The following ADAMTSL1 variants were observed in gnomAD, a reference collection of about 807,000 sequenced individuals.
ADAMTSL1 encodes ADAMTS like 1.
A neutral mutation model predicts 201.8 loss-of-function variants in ADAMTSL1; 126 were observed. The ratio of observed to expected loss-of-function variants is 0.62; its 90% CI spans 0.54 to 0.72. ADAMTSL1 has a LOEUF of 0.72. ADAMTSL1 is among the 30% of genes least tolerant of loss of function. The probability of loss-of-function intolerance (pLI) is 0.00; values close to 1 mark genes in which losing one functional copy is unlikely to be tolerated. For missense variants in ADAMTSL1, 2,679 were observed against 2,277.8 expected, an observed-to-expected ratio of 1.18 and a Z score of -3.59; for synonymous variants, 1,121 against 903.4, an observed-to-expected ratio of 1.24 and a Z score of -4.32.
chr9:18,576,698 G>A (rs1475203627), intron 4 of ADAMTSL1, among the ~76,000 whole-genome samples: 1 of 152,148 alleles, frequency 6.6e-6, no homozygotes, highest in Non-Finnish European at 1.5e-5. Context: ...CTTCAGGAAA[G>A]TTCTAGAATC....
intron 28 of ADAMTSL1, 48 bp downstream of exon 28, chr9:18,906,960 C>T (rs750999709): frequency 1.6e-5 from 26 of 1,603,472 alleles, no homozygotes; most frequent in South Asian, 3.4e-5. Flanking sequence ...CATAGAGCAT[C>T]GAGTGCAGAG....
intron 3 of ADAMTSL1, among the ~76,000 whole-genome samples, chr9:18,541,958 C>T (rs927405516): frequency 1.3e-5 from 2 of 152,122 alleles, no homozygotes; most frequent in African/African-American, 2.4e-5. Context: ...GGAGTAATAA[C>T]CTATAGTATG....
intron 1 of ADAMTSL1, among the ~76,000 whole-genome samples, chr9:18,111,461 A>G (rs2131882475): frequency 6.6e-6 from 1 of 152,262 alleles, no homozygotes; most frequent in Non-Finnish European, 1.5e-5. Context: ...TTGATGTCCA[A>G]GAAGCCCTTT....
At chr9:18,507,285 C>T (rs552476800) in intron 2 of ADAMTSL1, among the ~76,000 whole-genome samples, 2 of 152,256 alleles carry the variant, frequency 1.3e-5, no homozygotes, top group South Asian at 2.1e-4. Flanking sequence ...ATTACCTCTG[C>T]GCCCTAATGA....
At chr9:18,527,508 G>A (rs1466336164) in intron 2 of ADAMTSL1, among the ~76,000 whole-genome samples, 4 of 152,144 alleles carry the variant, frequency 2.6e-5, no homozygotes, top group African/African-American at 7.2e-5. Context: ...TATATGAGAA[G>A]GGGGATGGGG....
At chr9:18,828,697 A>ATATATATATTGTG (rs1824776656) in intron 22 of ADAMTSL1, among the ~76,000 whole-genome samples, 1 of 42,510 alleles carries the variant, frequency 2.4e-5, no homozygotes, top group African/African-American at 7.5e-5. Flanking sequence ...TATATATAAA[A>ATATATATATTGTG]TGTGTGTGTG....
chr9:17,958,865 G>T (rs112179533), intron 1 of ADAMTSL1, among the ~76,000 whole-genome samples: 1 of 151,936 alleles, frequency 6.6e-6, no homozygotes, highest in Non-Finnish European at 1.5e-5. Flanking sequence ...TATAATTCCC[G>T]GCAATAGTTG....
At chr9:17,925,801 C>A (rs896491908) in intron 1 of ADAMTSL1, among the ~76,000 whole-genome samples, 21 of 149,138 alleles carry the variant, frequency 1.4e-4, no homozygotes, top group African/African-American at 4.7e-4. Context: ...CGCATGTATA[C>A]GTATGTAACT....
rs35159482 is a variant in ADAMTSL1, at chr9:18,812,967, C to CT, written c.3806-4123dup. ...GTGGTGTGATGCTTCCAGCTATGTA[C>CT]TTTTTTTTTTTTTTTTTTTGAGATG... On this transcript the variant is annotated intron_variant, in intron 20 of 28. Coordinates refer to ENST00000380548, the MANE Select transcript of ADAMTSL1 (RefSeq NM_001040272.6). 8.6e-3 allele frequency among the ~76,000 whole-genome samples: 1,023 copies of CT among 118,604 alleles called. 12 individuals carry two copies. The highest frequency in any genetic ancestry group is 0.021 in the African/African-American group (630 of 29,630). The allele number at this position is 118,604 out of a possible 152,430, so 77.8% of individuals were successfully genotyped here.
chr9:18,724,108 T>G (rs988140459), intron 15 of ADAMTSL1, among the ~76,000 whole-genome samples: 2 of 152,184 alleles, frequency 1.3e-5, no homozygotes, highest in Non-Finnish European at 2.9e-5. Flanking sequence ...ATGCATGTGT[T>G]TAAAAAAATA....
chr9:18,672,915 G>A (rs1160547694), intron 9 of ADAMTSL1, among the ~76,000 whole-genome samples: 1 of 152,154 alleles, frequency 6.6e-6, no homozygotes, highest in African/African-American at 2.4e-5. Context: ...AACCCCTGAT[G>A]ATGGGGATAT....
intron 2 of ADAMTSL1, among the ~76,000 whole-genome samples, chr9:18,351,304 A>T (rs147977228): frequency 2.6e-4 from 39 of 152,154 alleles, no homozygotes; most frequent in African/African-American, 9.4e-4. Flanking sequence ...TGTGGTCCAA[A>T]CTTCTTTTTT....
At chr9:18,309,228 T>C (rs1834024677) in intron 2 of ADAMTSL1, among the ~76,000 whole-genome samples, 1 of 152,114 alleles carries the variant, frequency 6.6e-6, no homozygotes, top group African/African-American at 2.4e-5. Flanking sequence ...ACAGCCAATA[T>C]CTTACTGAAC....
intron 2 of ADAMTSL1, among the ~76,000 whole-genome samples, chr9:18,523,126 C>T (rs946114870): frequency 9.2e-5 from 14 of 152,178 alleles, no homozygotes; most frequent in Admixed American, 7.9e-4. Context: ...TTTTAATGAT[C>T]CCCATTCTAA....
chr9:18,688,427 C>T (rs955336250), intron 13 of ADAMTSL1, among the ~76,000 whole-genome samples: 1 of 150,708 alleles, frequency 6.6e-6, no homozygotes, highest in Non-Finnish European at 1.5e-5. Context: ...CACACCCAGC[C>T]GAATATATTT....
At position 18,705,083 on chromosome 9, in the gene ADAMTSL1, A is replaced by G. The variant is rs73435520; in HGVS notation, c.1575-1664A>G. ...AAGCCCAGGCTCAGGCCCAGGACAC[A>G]TCTTTGTTGTGTTCCTTCCAGTTTG... On this transcript the variant is annotated intron_variant, in intron 13 of 28. Transcript: ENST00000380548. Among the ~76,000 whole-genome samples, 1,175 of 152,312 alleles carry G rather than the reference A, an allele frequency of 7.7e-3. 13 individuals are homozygous for G. The highest frequency in any genetic ancestry group is 0.027 in the African/African-American group (1,124 of 41,570).
intron 15 of ADAMTSL1, among the ~76,000 whole-genome samples, chr9:18,752,772 G>A (rs1211963761): frequency 2.6e-5 from 4 of 152,230 alleles, no homozygotes; most frequent in African/African-American, 9.7e-5. Flanking sequence ...CAGTGATGAT[G>A]TTTAAACGTA....
chr9:18,271,023 G>A (rs1832339741), intron 2 of ADAMTSL1, among the ~76,000 whole-genome samples: 1 of 152,076 alleles, frequency 6.6e-6, no homozygotes, highest in Admixed American at 6.6e-5. Context: ...ACCCAACTGG[G>A]AGCACCTACA....
chr9:18,068,122 C>G (rs556899971), intron 1 of ADAMTSL1, among the ~76,000 whole-genome samples: 48 of 152,154 alleles, frequency 3.2e-4, no homozygotes, highest in African/African-American at 1.1e-3. Flanking sequence ...TGGCCAAAAA[C>G]GTACTTCCTG....
Sources: gnomAD v4.1 joint callset for allele counts (sites outside exome capture counted in the v4.1 genomes callset) on GRCh38, gnomAD v4.1.1 for gene constraint, MANE v1.5 for transcripts, NCBI Gene and HGNC (gene_info 2026-07-23, HGNC 2026-07-21) for gene names.